The following CELF4 variants were observed in gnomAD, a reference collection of about 807,000 sequenced individuals.
The protein encoded by CELF4 is CUGBP Elav-like family member 4, also known as CUG-BP- and ETR-3-like factor 4.
CELF4 carries 18 observed loss-of-function variants against 59.9 expected under a neutral mutation model. That is an observed-to-expected ratio of 0.30 (90% CI 0.21 to 0.45). The LOEUF (loss-of-function observed/expected upper bound fraction) is 0.45. Ranked by LOEUF, CELF4 falls within the 20% of genes least tolerant of loss-of-function variation. The pLI is 1.00. For missense variants in CELF4, 456 were observed against 689.0 expected, an observed-to-expected ratio of 0.66 and a Z score of 3.79; for synonymous variants, 261 against 267.1, an observed-to-expected ratio of 0.98 and a Z score of 0.22.
At chr18:37,354,034 T>C (rs1052976375) in intron 2 of CELF4, among the ~76,000 whole-genome samples, 9 of 152,116 alleles carry the variant, frequency 5.9e-5, no homozygotes, top group East Asian at 3.9e-4. Context: ...GGATTACAGG[T>C]GTGAGCCACT....
chr18:37,419,234 T>C (rs566137367), intron 2 of CELF4, among the ~76,000 whole-genome samples: 1 of 152,362 alleles, frequency 6.6e-6, no homozygotes, highest in South Asian at 2.1e-4. Flanking sequence ...ACATGGATTT[T>C]ACAAATGAAT....
At chr18:37,482,998 G>A (rs969695692) in intron 2 of CELF4, among the ~76,000 whole-genome samples, 2 of 152,128 alleles carry the variant, frequency 1.3e-5, no homozygotes, top group African/African-American at 2.4e-5. Flanking sequence ...CAGACATAGA[G>A]TGTGCTTGCT....
In CELF4 at chr18:37,497,302, C is replaced by T. The variant is rs575324165; in HGVS notation, c.287-11695G>A. Among the ~76,000 whole-genome samples, 90 of 152,278 alleles carry T rather than the reference C, an allele frequency of 5.9e-4. 2 individuals are homozygous for T. The highest frequency in any genetic ancestry group is 4.3e-3 in the Admixed American group (66 of 15,294). On this transcript the variant is annotated intron_variant, in intron 1 of 12. Transcript: ENST00000420428. ...ATATGCTTCATTCATTCATTCATTTCGCAACCATTTATTGATGGTCCACAA... is the reference window on the plus strand; with the variant it reads ...ATATGCTTCATTCATTCATTCATTTTGCAACCATTTATTGATGGTCCACAA...
In CELF4 at chr18:37,433,769, C is replaced by T. The variant is rs551035690; in HGVS notation, c.369+51756G>A. Among the ~76,000 whole-genome samples, 224 of 152,184 alleles carry T rather than the reference C, an allele frequency of 1.5e-3. 3 individuals are homozygous for T. The highest frequency in any genetic ancestry group is 0.014 in the Middle Eastern group (4 of 294). On this transcript the variant is annotated intron_variant, in intron 2 of 12. Coordinates refer to ENST00000420428, the MANE Select transcript of CELF4 (RefSeq NM_020180.4). ...ACCACCTCTTAGGTGGTCTCTAAGT[C>T]TTCACGATTCTGTCACTTGGAGAAT...
Position 37,259,271 on chromosome 18 carries a change from TGAGGGGAGGGGGTGGGCGGGGGAG to T in CELF4, c.1250-31_1250-8del. 3 of 357,456 alleles carry T rather than the reference TGAGGGGAGGGGGTGGGCGGGGGAG, an allele frequency of 8.4e-6. No homozygotes were observed. The highest frequency in any genetic ancestry group is 1.2e-5 in the Non-Finnish European group (3 of 252,238). The allele number at this position is 357,456 out of a possible 1,614,324, so 22.1% of individuals were successfully genotyped here. ...AGGTTACAGCCCTCGGGCCCTGCGG[TGAGGGGAGGGGGTGGGCGGGGGAG>T]GAGGGATGGCAGGGTGGGGGAAGAG... is the stretch of plus-strand genomic sequence containing the variant. On this transcript the variant is annotated splice_region_variant and splice_polypyrimidine_tract_variant and intron_variant, in intron 10 of 12. Coordinates refer to ENST00000420428, the MANE Select transcript of CELF4 (RefSeq NM_020180.4).
intron 7 of CELF4, 113 bp from the exon 8 acceptor site, chr18:37,271,030 C>G (rs150871144): frequency 3.3e-6 from 3 of 896,892 alleles, no homozygotes; most frequent in Admixed American, 3.0e-5. Flanking sequence ...TGCGGATAGA[C>G]TTGGACCTCA....
At chr18:37,362,897 C>G (rs2098728087) in intron 2 of CELF4, among the ~76,000 whole-genome samples, 1 of 152,206 alleles carries the variant, frequency 6.6e-6, no homozygotes, top group South Asian at 2.1e-4. Context: ...CGGGCAGCTT[C>G]TAGGTCTGGA....
intron 2 of CELF4, among the ~76,000 whole-genome samples, chr18:37,463,130 G>C (rs1232947295): frequency 2.0e-5 from 3 of 152,202 alleles, no homozygotes; most frequent in Non-Finnish European, 2.9e-5. Flanking sequence ...GATGTGATTT[G>C]TAGATGCAAA....
At chr18:37,298,015 C>T (rs2095768049) in intron 3 of CELF4, among the ~76,000 whole-genome samples, 1 of 152,200 alleles carries the variant, frequency 6.6e-6, no homozygotes, top group African/African-American at 2.4e-5. Context: ...CTACTATTAA[C>T]TGTCCTCCTT....
chr18:37,402,099 G>T (rs1009143429), intron 2 of CELF4, among the ~76,000 whole-genome samples: 3 of 152,220 alleles, frequency 2.0e-5, no homozygotes, highest in African/African-American at 4.8e-5. Context: ...CAGGCATCTG[G>T]ACTCTACCTC....
At chr18:37,353,044 A>G (rs1031450703) in intron 2 of CELF4, among the ~76,000 whole-genome samples, 1 of 151,832 alleles carries the variant, frequency 6.6e-6, no homozygotes, top group African/African-American at 2.4e-5. Context: ...ACACGGTGAA[A>G]CCCTGTCTCT....
chr18:37,292,646 C>T (rs934866173), intron 3 of CELF4, among the ~76,000 whole-genome samples: 1 of 152,150 alleles, frequency 6.6e-6, no homozygotes, highest in East Asian at 1.9e-4. Context: ...GATTAACAGA[C>T]TTTAATGCAA....
intron 1 of CELF4, among the ~76,000 whole-genome samples, chr18:37,536,633 G>C (rs574498267): frequency 1.3e-4 from 20 of 152,310 alleles, no homozygotes; most frequent in Non-Finnish European, 1.0e-4. Context: ...GATAGGGAGT[G>C]GGGGAGGTGG....
chr18:37,456,275 A>G (rs529539056), intron 2 of CELF4, among the ~76,000 whole-genome samples: 4 of 150,736 alleles, frequency 2.7e-5, no homozygotes, highest in African/African-American at 2.4e-5. Flanking sequence ...AGAACCCTCC[A>G]TTGTGGGGCT....
At chr18:37,249,863 G>A (rs1439853421) in intron 12 of CELF4, among the ~76,000 whole-genome samples, 1 of 152,170 alleles carries the variant, frequency 6.6e-6, no homozygotes, top group Admixed American at 6.5e-5. Context: ...CAGGCCGAAA[G>A]CTACAGCCTG....
chr18:37,420,512 G>A (rs983189650), intron 2 of CELF4, among the ~76,000 whole-genome samples: 3 of 152,220 alleles, frequency 2.0e-5, no homozygotes, highest in African/African-American at 4.8e-5. Context: ...GTGAGCCAAC[G>A]TGTGGGGGTG....
chr18:37,451,391 G>C (rs2099763429), intron 2 of CELF4, among the ~76,000 whole-genome samples: 1 of 152,162 alleles, frequency 6.6e-6, no homozygotes, highest in Non-Finnish European at 1.5e-5. Flanking sequence ...ATGTGTGCAT[G>C]TGTCTCTGTG....
intron 2 of CELF4, among the ~76,000 whole-genome samples, chr18:37,405,830 A>C (rs1466054063): frequency 6.6e-6 from 1 of 152,070 alleles, no homozygotes; most frequent in Non-Finnish European, 1.5e-5. Context: ...TCCCCTTCAC[A>C]CATCATTTCC....
chr18:37,290,367 C>T (rs906326967), intron 3 of CELF4, among the ~76,000 whole-genome samples: 4 of 152,128 alleles, frequency 2.6e-5, no homozygotes, highest in African/African-American at 9.7e-5. Flanking sequence ...AAATACAAAT[C>T]CATTTAAAAG....
Sources: gnomAD v4.1 joint callset for allele counts (sites outside exome capture counted in the v4.1 genomes callset) on GRCh38, gnomAD v4.1.1 for gene constraint, MANE v1.5 for transcripts, NCBI Gene and HGNC (gene_info 2026-07-23, HGNC 2026-07-21) for gene names.